Variants in EBF1 observed in about 807,000 individuals in gnomAD.
The protein encoded by EBF1 is transcription factor COE1.
In EBF1, 10 loss-of-function variants were observed where a neutral mutation model predicts 68.4. That is an observed-to-expected ratio of 0.15 (90% CI 0.09 to 0.25). The LOEUF is 0.25. EBF1 is among the 10% of genes least tolerant of loss of function. The pLI is 1.00. For synonymous variants in EBF1, 298 were observed against 299.8 expected (o/e 0.99, Z 0.06); for missense variants, 509 against 794.4 (o/e 0.64, Z 4.32).
chr5:158,730,381 C>T (rs951989335), intron 11 of EBF1, among the ~76,000 whole-genome samples: 1 of 152,172 alleles, frequency 6.6e-6, no homozygotes. Flanking sequence ...TGGGGATATC[C>T]CAAACATTCA....
At chr5:159,099,230 G>A (rs1783195208) in intron 1 of EBF1, 115 bp downstream of exon 1, 3 of 805,316 alleles carry the variant, frequency 3.7e-6, no homozygotes, top group Non-Finnish European at 5.0e-6. Context: ...CAGCGGCTGC[G>A]GACTCACCCC....
chr5:158,740,212 C>A (rs1401432198), intron 10 of EBF1, among the ~76,000 whole-genome samples: 1 of 152,176 alleles, frequency 6.6e-6, no homozygotes, highest in African/African-American at 2.4e-5. Flanking sequence ...ACAAGCCTAC[C>A]AGTGACTTAT....
At chr5:159,084,784 CAG>C in intron 4 of EBF1, 45 bp from the exon 5 acceptor site, 1 of 1,311,840 alleles carries the variant, frequency 7.6e-7, no homozygotes, top group Non-Finnish European at 1.0e-6. Flanking sequence ...AAAGGAGTAG[CAG>C]AAAAAAAAAA....
At chr5:159,089,626 C>T (rs1463979781) in intron 4 of EBF1, among the ~76,000 whole-genome samples, 5 of 151,972 alleles carry the variant, frequency 3.3e-5, no homozygotes, top group South Asian at 2.1e-4. Flanking sequence ...TTGTGTTCCA[C>T]GACAAAATAA....
At chr5:158,734,348 G>A (rs1490001168) in intron 10 of EBF1, among the ~76,000 whole-genome samples, 1 of 152,100 alleles carries the variant, frequency 6.6e-6, no homozygotes, top group Non-Finnish European at 1.5e-5. Context: ...CTTGTATAAA[G>A]TAATGACATA....
chr5:158,759,711 T>A (rs1013060543), intron 10 of EBF1, among the ~76,000 whole-genome samples: 3 of 152,088 alleles, frequency 2.0e-5, no homozygotes, highest in South Asian at 2.1e-4. Context: ...TACCAGATCA[T>A]CCTCCCTATT....
chr5:158,989,557 G>A (rs147183419), intron 6 of EBF1, among the ~76,000 whole-genome samples: 11 of 152,284 alleles, frequency 7.2e-5, no homozygotes, highest in African/African-American at 2.6e-4. Flanking sequence ...CAGAAACCTG[G>A]CGGGGACACA....
intron 6 of EBF1, among the ~76,000 whole-genome samples, chr5:158,908,691 A>C (rs1805196675): frequency 6.6e-6 from 1 of 152,232 alleles, no homozygotes; most frequent in South Asian, 2.1e-4. Context: ...AATGGAGGAG[A>C]TGCGTTTGCA....
At chr5:158,734,335 C>T (rs1481847184) in intron 10 of EBF1, among the ~76,000 whole-genome samples, 1 of 151,954 alleles carries the variant, frequency 6.6e-6, no homozygotes, top group African/African-American at 2.4e-5. Flanking sequence ...GGAATTTGAC[C>T]TGCTTGTATA....
At position 158,900,056 on chromosome 5, in the gene EBF1, C is replaced by T. The variant is rs529988347; in HGVS notation, c.555-59946G>A. Among the ~76,000 whole-genome samples, 8 of 152,242 alleles carry T rather than the reference C, an allele frequency of 5.3e-5. No individual in the cohort carries two copies. The South Asian group carries it at 6.2e-4, about 12-fold the overall frequency. On this transcript the variant is annotated intron_variant, in intron 6 of 15. Coordinates refer to ENST00000313708, the MANE Select transcript of EBF1 (RefSeq NM_024007.5). ...GCAGATGGTCAGGCCCTCGGGTTCC[C>T]GGCTTGGGCTCCCTCCAGATGTGTC...
intron 10 of EBF1, among the ~76,000 whole-genome samples, chr5:158,753,428 C>G (rs574703272): frequency 6.6e-6 from 1 of 152,110 alleles, no homozygotes. Flanking sequence ...GAAAGAAATT[C>G]TAGCCCTCTG....
At chr5:158,867,071 A>G (rs1445950818) in intron 6 of EBF1, among the ~76,000 whole-genome samples, 1 of 151,980 alleles carries the variant, frequency 6.6e-6, no homozygotes, top group East Asian at 1.9e-4. Context: ...CAGCACTAGG[A>G]ACCATGACAG....
At chr5:158,940,777 C>CCCCCCCCT (rs1554083360) in intron 6 of EBF1, among the ~76,000 whole-genome samples, 1 of 51,554 alleles carries the variant, frequency 1.9e-5, no homozygotes, top group African/African-American at 5.0e-5. Flanking sequence ...CCCCCCCCCC[C>CCCCCCCCT]CCGCAGGTCA....
At chr5:158,907,594 C>T (rs1164942139) in intron 6 of EBF1, among the ~76,000 whole-genome samples, 1 of 152,170 alleles carries the variant, frequency 6.6e-6, no homozygotes, top group East Asian at 1.9e-4. Flanking sequence ...TTCCTATTCT[C>T]ATGGGTGTCC....
At chr5:158,905,459 C>A in intron 6 of EBF1, among the ~76,000 whole-genome samples, 1 of 152,170 alleles carries the variant, frequency 6.6e-6, no homozygotes, top group East Asian at 1.9e-4. Flanking sequence ...TGCGATAGCA[C>A]TGGATGAGGA....
chr5:158,843,620 C>T (rs566382073), intron 6 of EBF1, among the ~76,000 whole-genome samples: 2 of 152,268 alleles, frequency 1.3e-5, no homozygotes, highest in African/African-American at 4.8e-5. Flanking sequence ...GTGCCTGAGG[C>T]CTCACACAAG....
chr5:158,838,300 G>A (rs112824187), intron 7 of EBF1, among the ~76,000 whole-genome samples: 8,097 of 151,996 alleles, frequency 0.053, 299 homozygotes, highest in Non-Finnish European at 0.071. Context: ...AAAAAAATTA[G>A]CCGGGCATGG....
intron 10 of EBF1, among the ~76,000 whole-genome samples, chr5:158,750,172 G>T (rs751342149): frequency 2.0e-5 from 3 of 152,104 alleles, no homozygotes; most frequent in Non-Finnish European, 4.4e-5. Flanking sequence ...GTAAACAGCA[G>T]AAGTCAAAGC....
At chr5:158,849,542 T>C (rs1792197180) in intron 6 of EBF1, among the ~76,000 whole-genome samples, 1 of 152,194 alleles carries the variant, frequency 6.6e-6, no homozygotes, top group Non-Finnish European at 1.5e-5. Flanking sequence ...TTGTCACACT[T>C]GGTCTTCACT....
Sources: gnomAD v4.1 joint callset for allele counts (sites outside exome capture counted in the v4.1 genomes callset) on GRCh38, gnomAD v4.1.1 for gene constraint, MANE v1.5 for transcripts, NCBI Gene and HGNC (gene_info 2026-07-23, HGNC 2026-07-21) for gene names.